Variants in STARD13 observed in about 807,000 individuals in gnomAD.
The protein encoded by STARD13 is stAR-related lipid transfer protein 13.
STARD13 carries 62 observed loss-of-function variants against 106.4 expected under a neutral mutation model. The ratio of observed to expected loss-of-function variants is 0.58; its 90% confidence interval spans 0.48 to 0.72. The LOEUF is 0.72. STARD13 is among the 30% of genes least tolerant of loss of function. The probability of loss-of-function intolerance (pLI) is 0.00; values close to 1 mark genes in which losing one functional copy is unlikely to be tolerated. For synonymous variants in STARD13, 565 were observed against 553.0 expected, an observed-to-expected ratio of 1.02 and a Z score of -0.31; for missense variants, 1,387 against 1,424.0, an observed-to-expected ratio of 0.97 and a Z score of 0.42.
At chr13:33,506,162 G>C in the STARD13 span, among the ~76,000 whole-genome samples, 1 of 152,092 alleles carries the variant, frequency 6.6e-6, no homozygotes, top group Non-Finnish European at 1.5e-5. Flanking sequence ...CTCAATGCCT[G>C]AGTACATATT....
At chr13:33,331,559 T>C (rs1462916371) in intron 1 of STARD13, among the ~76,000 whole-genome samples, 1 of 145,028 alleles carries the variant, frequency 6.9e-6, no homozygotes, top group East Asian at 2.0e-4. Context: ...AGAGAACAGG[T>C]TTCGCCATGT....
At chr13:33,600,843 G>T in the STARD13 span, among the ~76,000 whole-genome samples, 2 of 152,136 alleles carry the variant, frequency 1.3e-5, no homozygotes, top group Non-Finnish European at 2.9e-5. Context: ...GTAAAATGAG[G>T]AGATAATGCT....
the STARD13 span, among the ~76,000 whole-genome samples, chr13:33,360,087 C>G: frequency 1.3e-5 from 2 of 152,204 alleles, no homozygotes; most frequent in Non-Finnish European, 2.9e-5. Context: ...TCCTTGTTAT[C>G]AGTAACAGAA....
chr13:33,546,540 A>G, the STARD13 span, among the ~76,000 whole-genome samples: 5 of 152,110 alleles, frequency 3.3e-5, no homozygotes, highest in African/African-American at 4.8e-5. Context: ...TATAATTTAT[A>G]CTGTTAGTCT....
chr13:33,503,507 T>C, the STARD13 span, among the ~76,000 whole-genome samples: 1 of 152,222 alleles, frequency 6.6e-6, no homozygotes, highest in Non-Finnish European at 1.5e-5. Context: ...CTGCTTTCTT[T>C]TGTGGGCATT....
At chr13:33,303,493 C>T (rs544947490) in intron 1 of STARD13, among the ~76,000 whole-genome samples, 21 of 152,288 alleles carry the variant, frequency 1.4e-4, no homozygotes, top group African/African-American at 1.9e-4. Flanking sequence ...ACATACCTTG[C>T]ATTATACAGA....
chr13:33,129,145 A>C lies in STARD13; in HGVS notation c.1532T>G (p.Leu511Arg), dbSNP rs150961010. 2.5e-6 allele frequency: 4 copies of C among 1,614,198 alleles called. No homozygotes were observed. Among genetic ancestry groups the C allele is most frequent in the Non-Finnish European group, 3.4e-6 (4 of 1,180,034 alleles). Reference protein sequence around the residue: ...DDWSKDVLPELQTHDTLVGEP... With the variant: ...DDWSKDVLPERQTHDTLVGEP... ...CCCAACCAATGTATCATGAGTTTGC[A>C]GTTCAGGCAAGACATCTTTGGACCA... Residue 511 changes from leucine (L) to arginine (R), a missense_variant, in exon 5 of 14, where the codon CTG becomes CGG. By Grantham distance (102) the Leu-to-Arg change is moderately radical. Coordinates refer to ENST00000336934, the MANE Select transcript of STARD13 (RefSeq NM_178006.4).
intron 3 of STARD13, among the ~76,000 whole-genome samples, chr13:33,146,012 C>T (rs2516046): frequency 0.43 from 65,708 of 151,848 alleles, 14,869 homozygotes; most frequent in East Asian, 0.58. Flanking sequence ...TGGAGAGGCC[C>T]TGTCGCTACA....
intron 8 of STARD13, among the ~76,000 whole-genome samples, chr13:33,117,386 C>T (rs972322958): frequency 5.3e-5 from 8 of 152,238 alleles, no homozygotes; most frequent in Non-Finnish European, 7.3e-5. Context: ...GCTGGGATTA[C>T]AGGCGTGAGC....
chr13:33,433,588 T>A, the STARD13 span, among the ~76,000 whole-genome samples: 4 of 152,280 alleles, frequency 2.6e-5, no homozygotes, highest in South Asian at 8.3e-4. Flanking sequence ...ATGACTACCA[T>A]ATTACATCTC....
the STARD13 span, among the ~76,000 whole-genome samples, chr13:33,376,382 C>T: frequency 6.6e-6 from 1 of 152,146 alleles, no homozygotes; most frequent in Non-Finnish European, 1.5e-5. Context: ...CTTACGCATT[C>T]TAGAAGTGGG....
chr13:33,131,582 C>T (rs1036135417), intron 4 of STARD13, among the ~76,000 whole-genome samples: 2 of 151,826 alleles, frequency 1.3e-5, no homozygotes, highest in African/African-American at 4.8e-5. Context: ...GACACTATCT[C>T]AAAAAAATAA....
chr13:33,252,694 T>C (rs2138291195), intron 1 of STARD13, among the ~76,000 whole-genome samples: 1 of 152,342 alleles, frequency 6.6e-6, no homozygotes, highest in East Asian at 1.9e-4. Flanking sequence ...TGAAGACTGA[T>C]CCAGGAGAAT....
chr13:33,176,508 T>C (rs953142632), intron 1 of STARD13, among the ~76,000 whole-genome samples: 1 of 152,208 alleles, frequency 6.6e-6, no homozygotes, highest in African/African-American at 2.4e-5. Flanking sequence ...CCTATGCTCT[T>C]CAAGGTCAAA....
At chr13:33,604,901 A>G in the STARD13 span, among the ~76,000 whole-genome samples, 1 of 152,198 alleles carries the variant, frequency 6.6e-6, no homozygotes, top group Non-Finnish European at 1.5e-5. Flanking sequence ...AGACCAGTCC[A>G]GACAAAAATA....
At chr13:33,405,547 T>C in the STARD13 span, among the ~76,000 whole-genome samples, 1 of 152,264 alleles carries the variant, frequency 6.6e-6, no homozygotes, top group Non-Finnish European at 1.5e-5. Context: ...AGGGAACTTA[T>C]CTAAATATGG....
At chr13:33,575,471 C>T in the STARD13 span, among the ~76,000 whole-genome samples, 1 of 152,112 alleles carries the variant, frequency 6.6e-6, no homozygotes, top group Admixed American at 6.5e-5. Flanking sequence ...GTTGTTTTCA[C>T]CAAAACTCAT....
At chr13:33,151,995 G>C (rs779138153) in intron 3 of STARD13, among the ~76,000 whole-genome samples, 1 of 152,088 alleles carries the variant, frequency 6.6e-6, no homozygotes, top group East Asian at 1.9e-4. Flanking sequence ...TAGGGAAGTT[G>C]ACAGGGAGCT....
the STARD13 span, among the ~76,000 whole-genome samples, chr13:33,579,506 TAA>T: frequency 6.6e-6 from 1 of 151,852 alleles, no homozygotes; most frequent in African/African-American, 2.4e-5. Context: ...GGGTGATGGA[TAA>T]AAAACTATAT....
Sources: gnomAD v4.1 joint callset for allele counts (sites outside exome capture counted in the v4.1 genomes callset) on GRCh38, gnomAD v4.1.1 for gene constraint, MANE v1.5 for transcripts, NCBI Gene and HGNC (gene_info 2026-07-23, HGNC 2026-07-21) for gene names.